WDR25: variants seen among roughly 807,000 people sequenced by gnomAD.
The protein encoded by WDR25 is WD repeat-containing protein 25.
WDR25 carries 35 observed loss-of-function variants against 47.7 expected under a neutral mutation model. The observed-to-expected ratio is 0.73, with a 90% CI of 0.56 to 0.97. WDR25 has a LOEUF of 0.97. Among genes scored for constraint, WDR25 ranks in the 50% least tolerant of loss-of-function variants. The probability of loss-of-function intolerance (pLI) is 0.00; values close to 1 mark genes in which losing one functional copy is unlikely to be tolerated. For synonymous variants in WDR25, 248 were observed against 278.9 expected (o/e 0.89, Z 1.10); for missense variants, 634 against 704.7 (o/e 0.90, Z 1.14).
intron 2 of WDR25, among the ~76,000 whole-genome samples, chr14:100,386,387 C>T (rs933980995): frequency 9.9e-5 from 15 of 152,122 alleles, no homozygotes; most frequent in African/African-American, 2.9e-4. Flanking sequence ...CCTCTGCTGC[C>T]CAATCTTCTG....
At chr14:100,426,737 C>A (rs763499623) in intron 2 of WDR25, among the ~76,000 whole-genome samples, 1 of 152,160 alleles carries the variant, frequency 6.6e-6, no homozygotes, top group African/African-American at 2.4e-5. Flanking sequence ...CTGCTGCCCC[C>A]CAGCCCCACC....
At chr14:100,483,494 AT>A (rs1316933544) in intron 3 of WDR25, among the ~76,000 whole-genome samples, 2 of 152,192 alleles carry the variant, frequency 1.3e-5, no homozygotes, top group Non-Finnish European at 2.9e-5. Context: ...GCCATGCTCC[AT>A]AGCAAACCAT....
intron 2 of WDR25, among the ~76,000 whole-genome samples, chr14:100,437,637 A>G (rs1016158920): frequency 1.3e-5 from 2 of 152,040 alleles, no homozygotes; most frequent in Non-Finnish European, 2.9e-5. Flanking sequence ...GGTTGCCATT[A>G]TTATTATTAG....
At chr14:100,520,845 C>G (rs1304615968) in intron 4 of WDR25, among the ~76,000 whole-genome samples, 2 of 152,168 alleles carry the variant, frequency 1.3e-5, no homozygotes, top group Admixed American at 6.5e-5. Flanking sequence ...CCCTACTTTA[C>G]AGGTATGGAG....
chr14:100,429,183 C>A (rs937011929), intron 2 of WDR25, among the ~76,000 whole-genome samples: 1 of 152,196 alleles, frequency 6.6e-6, no homozygotes, highest in African/African-American at 2.4e-5. Context: ...ACCCTGTGCT[C>A]CACTGAAGTT....
intron 3 of WDR25, among the ~76,000 whole-genome samples, chr14:100,477,081 G>A (rs1456139059): frequency 2.0e-5 from 3 of 152,144 alleles, no homozygotes; most frequent in Non-Finnish European, 4.4e-5. Context: ...TGGACAGGTG[G>A]TGCTGCCCCG....
rs891848662 is a variant in WDR25 at position 100,510,769 on chromosome 14, AT to A, written c.1102-15087del. ...AATAATAATAATAATAATAATGTAAATTTTTTTTTTTTTTGTAGAGACAGGG... is the reference window on the plus strand; with the variant it reads ...AATAATAATAATAATAATAATGTAAATTTTTTTTTTTTTGTAGAGACAGGG... On this transcript the variant is annotated intron_variant, in intron 4 of 6. Coordinates refer to ENST00000402312, the MANE Select transcript of WDR25 (RefSeq NM_001161476.3). 4.2e-3 allele frequency among the ~76,000 whole-genome samples: 594 copies of A among 142,918 alleles called. 3 individuals are homozygous for A. Among genetic ancestry groups the A allele is most frequent in the African/African-American group, 0.012 (470 of 39,156 alleles). 93.8% of individuals were successfully genotyped at this position (142,918 alleles called of 152,430 possible).
intron 2 of WDR25, among the ~76,000 whole-genome samples, chr14:100,398,648 A>G (rs1049497895): frequency 6.6e-6 from 1 of 150,540 alleles, no homozygotes; most frequent in Non-Finnish European, 1.5e-5. Flanking sequence ...TAATTAAACT[A>G]TGGACTTTAT....
chr14:100,524,251 G>A (rs1054127703), intron 4 of WDR25, among the ~76,000 whole-genome samples: 2 of 152,192 alleles, frequency 1.3e-5, no homozygotes, highest in Admixed American at 6.5e-5. Flanking sequence ...CATGCCCACC[G>A]AGAGAAGCTA....
intron 2 of WDR25, among the ~76,000 whole-genome samples, chr14:100,414,232 G>A (rs544206877): frequency 1.3e-4 from 19 of 150,894 alleles, no homozygotes; most frequent in African/African-American, 4.1e-4. Flanking sequence ...TCCTGACCTC[G>A]TGATCCGCCT....
intron 2 of WDR25, among the ~76,000 whole-genome samples, chr14:100,401,161 G>C (rs888501457): frequency 7.2e-5 from 11 of 152,012 alleles, no homozygotes; most frequent in African/African-American, 2.7e-4. Flanking sequence ...CTGGGCCTCC[G>C]GGGCGCGTCG....
In WDR25 at chr14:100,424,064, C is replaced by A. The variant is rs909283849; in HGVS notation, c.822+42318C>A. ...AGAACAGTGGGGACAGCCAGGTGTG[C>A]CACAGGCCATCTCGCAGGGCCTCCC... On this transcript the variant is annotated intron_variant, in intron 2 of 6. Transcript: ENST00000402312. This position sits in a 1 kb window ranked among gnomAD's most constrained non-coding sequence, Gnocchi z 4.2. 6.6e-6 allele frequency among the ~76,000 whole-genome samples: 1 copy of A among 152,214 alleles called. No homozygotes were observed. The highest frequency in any genetic ancestry group is 2.4e-5 in the African/African-American group (1 of 41,458).
intron 2 of WDR25, chr14:100,406,704 G>T (rs1011304173): frequency 6.6e-6 from 1 of 152,262 alleles, no homozygotes. Flanking sequence ...AGCTGTGGGA[G>T]CCCAGATTGT....
At chr14:100,526,435 G>T (rs1247473261) in intron 5 of WDR25, among the ~76,000 whole-genome samples, 1 of 152,096 alleles carries the variant, frequency 6.6e-6, no homozygotes, top group East Asian at 1.9e-4. Flanking sequence ...CAGAGCAGGG[G>T]CCCCACAGTT....
chr14:100,529,722 C>T lies in WDR25; in HGVS notation c.1414-98C>T, dbSNP rs556384511. 16 of 1,356,694 alleles carry T rather than the reference C, an allele frequency of 1.2e-5. No individual in the cohort carries two copies. Among genetic ancestry groups the T allele is most frequent in the South Asian group, 6.8e-5 (5 of 73,272 alleles). 84.0% of individuals were successfully genotyped at this position (1,356,694 alleles called of 1,614,324 possible). On this transcript the variant is annotated intron_variant, in intron 6 of 6. Coordinates refer to ENST00000402312, the MANE Select transcript of WDR25 (RefSeq NM_001161476.3). The surrounding 1 kb of genome is among the most constrained non-coding windows in gnomAD (Gnocchi z 5.1). ...CGAGGTGCGAAGCCCAGCTCTGCTCCGTCAGCTCGGGGCTTCAGCCTGCTC... is the reference window on the plus strand; with the variant it reads ...CGAGGTGCGAAGCCCAGCTCTGCTCTGTCAGCTCGGGGCTTCAGCCTGCTC...
At chr14:100,504,764 G>A (rs909450386) in intron 4 of WDR25, 1 of 152,158 alleles carries the variant, frequency 6.6e-6, no homozygotes, top group Admixed American at 6.5e-5. Flanking sequence ...GCTAAGTGGT[G>A]TAGTATATAT....
At chr14:100,503,193 GGGAGGC>G (rs1900995847) in intron 4 of WDR25, among the ~76,000 whole-genome samples, 2 of 152,038 alleles carry the variant, frequency 1.3e-5, no homozygotes. Context: ...AACACCCCAA[GGGAGGC>G]TTTAGAGATA....
chr14:100,419,963 T>A (rs1330659666), intron 2 of WDR25, among the ~76,000 whole-genome samples: 1 of 152,222 alleles, frequency 6.6e-6, no homozygotes, highest in Non-Finnish European at 1.5e-5. Flanking sequence ...TTCCCCTGGG[T>A]TCTTTGTATC....
chr14:100,377,941 T>C (rs1031653174), intron 1 of WDR25, among the ~76,000 whole-genome samples: 3 of 151,994 alleles, frequency 2.0e-5, no homozygotes, highest in African/African-American at 7.2e-5. Context: ...GAGCTTGGCG[T>C]GTTTGATTAA....
Sources: allele counts gnomAD v4.1 joint callset (sites outside exome capture counted in the v4.1 genomes callset), GRCh38; gene constraint gnomAD v4.1.1; non-coding constraint Gnocchi (gnomAD v3.1); transcripts MANE v1.5; gene names NCBI Gene and HGNC (gene_info 2026-07-23, HGNC 2026-07-21).